Variants in STXBP5L observed in about 807,000 individuals in gnomAD.
STXBP5L encodes the protein syntaxin binding protein 5L.
A neutral mutation model predicts 144.5 loss-of-function variants in STXBP5L; 65 were observed. The observed-to-expected ratio is 0.45, with a 90% CI of 0.37 to 0.55. The LOEUF (loss-of-function observed/expected upper bound fraction) is 0.55. Among genes scored for constraint, STXBP5L ranks in the 20% least tolerant of loss-of-function variants. The pLI is 0.00. For missense variants in STXBP5L, 1,298 were observed against 1,405.5 expected (o/e 0.92, Z 1.22); for synonymous variants, 505 against 469.6 (o/e 1.08, Z -0.97).
intron 9 of STXBP5L, among the ~76,000 whole-genome samples, chr3:121,189,755 T>C (rs1340704160): frequency 6.6e-6 from 1 of 152,070 alleles, no homozygotes; most frequent in African/African-American, 2.4e-5. Context: ...TGTTTGTTTG[T>C]TATTTGATTC....
intron 8 of STXBP5L, among the ~76,000 whole-genome samples, chr3:121,156,473 A>G (rs2046114379): frequency 6.6e-6 from 1 of 152,076 alleles, no homozygotes; most frequent in Non-Finnish European, 1.5e-5. Context: ...TATAGTACTT[A>G]GTACTTTACC....
chr3:120,939,511 G>A (rs1710448596), intron 2 of STXBP5L, among the ~76,000 whole-genome samples: 1 of 152,070 alleles, frequency 6.6e-6, no homozygotes, highest in African/African-American at 2.4e-5. Flanking sequence ...AGGAAAAGAG[G>A]TAACCCACAG....
intron 3 of STXBP5L, among the ~76,000 whole-genome samples, chr3:120,974,863 T>A (rs374586875): frequency 6.6e-6 from 1 of 152,050 alleles, no homozygotes; most frequent in African/African-American, 2.4e-5. Flanking sequence ...AGATATGCGG[T>A]GTTATTTCTG....
At chr3:121,029,762 A>C (rs1946228110) in intron 3 of STXBP5L, among the ~76,000 whole-genome samples, 1 of 151,946 alleles carries the variant, frequency 6.6e-6, no homozygotes, top group Admixed American at 6.6e-5. Context: ...GAATGGGAGA[A>C]TTTTTTTTGA....
intron 5 of STXBP5L, among the ~76,000 whole-genome samples, chr3:121,106,791 T>C (rs1357463857): frequency 1.3e-5 from 2 of 152,122 alleles, no homozygotes; most frequent in Non-Finnish European, 2.9e-5. Context: ...ATAGTATTTC[T>C]GGTTGTAGGT....
intron 9 of STXBP5L, among the ~76,000 whole-genome samples, chr3:121,189,981 C>G (rs1209078871): frequency 6.6e-6 from 1 of 152,048 alleles, no homozygotes; most frequent in Non-Finnish European, 1.5e-5. Context: ...CTTTAAGCAT[C>G]TTGGCATTCT....
chr3:121,267,628 A>G (rs1286911017), intron 18 of STXBP5L, among the ~76,000 whole-genome samples: 1 of 152,240 alleles, frequency 6.6e-6, no homozygotes, highest in African/African-American at 2.4e-5. Flanking sequence ...CAGGCAACCT[A>G]CACACTGGGT....
chr3:120,989,744 C>T (rs1942648363), intron 3 of STXBP5L, among the ~76,000 whole-genome samples: 1 of 152,100 alleles, frequency 6.6e-6, no homozygotes, highest in Non-Finnish European at 1.5e-5. Flanking sequence ...TTATGTCCCA[C>T]TGGTGAATTG....
Position 121,255,157 on chromosome 3 carries a change from G to T in STXBP5L, c.1659+45G>T, listed in dbSNP as rs992224608. ...ACTTTCACTTTTACAGTTATTAAAA[G>T]AAAGCTATTATCATAGATTTGACTA... On this transcript the variant is annotated intron_variant, in intron 16 of 26. Transcript: ENST00000471454. The T allele has an allele frequency of 3.5e-6, 5 of 1,431,874 alleles. No homozygotes were observed. In the Middle Eastern group the frequency reaches 5.5e-4, roughly 159 times the overall value. The allele number at this position is 1,431,874 out of a possible 1,614,324, so 88.7% of individuals were successfully genotyped here.
intron 11 of STXBP5L, among the ~76,000 whole-genome samples, 182 bp downstream of exon 11, chr3:121,223,339 C>G (rs1035845088): frequency 1.3e-5 from 2 of 152,150 alleles, no homozygotes; most frequent in Admixed American, 1.3e-4. Flanking sequence ...AGATGTAGTA[C>G]AGCAATGCTG....
At chr3:120,996,309 T>A (rs946373763) in intron 3 of STXBP5L, among the ~76,000 whole-genome samples, 5 of 151,922 alleles carry the variant, frequency 3.3e-5, no homozygotes, top group Non-Finnish European at 5.9e-5. Flanking sequence ...ATTGGGAAAT[T>A]TTTAGTGATA....
chr3:121,273,109 A>G (rs2050777535), intron 18 of STXBP5L, among the ~76,000 whole-genome samples: 1 of 152,046 alleles, frequency 6.6e-6, no homozygotes, highest in Admixed American at 6.6e-5. Flanking sequence ...AGTATATTTT[A>G]TGCTTTTATA....
At chr3:121,053,766 C>G (rs1307881718) in intron 5 of STXBP5L, among the ~76,000 whole-genome samples, 2 of 152,080 alleles carry the variant, frequency 1.3e-5, no homozygotes, top group African/African-American at 4.8e-5. Flanking sequence ...AGAGCTTCTG[C>G]ACAGCAAAAG....
At chr3:121,014,971 C>G (rs1237294482) in intron 3 of STXBP5L, among the ~76,000 whole-genome samples, 1 of 151,516 alleles carries the variant, frequency 6.6e-6, no homozygotes, top group Non-Finnish European at 1.5e-5. Flanking sequence ...TATTCAAGAC[C>G]TCTATACTGA....
At chr3:121,087,788 T>C (rs967721963) in intron 5 of STXBP5L, among the ~76,000 whole-genome samples, 5 of 152,072 alleles carry the variant, frequency 3.3e-5, no homozygotes, top group African/African-American at 1.2e-4. Context: ...CTTTTTAGAA[T>C]TCCATTTTGA....
chr3:121,225,843 G>T (rs980202471), intron 11 of STXBP5L, among the ~76,000 whole-genome samples: 4 of 152,178 alleles, frequency 2.6e-5, no homozygotes, highest in African/African-American at 9.7e-5. Flanking sequence ...TCAATAATTT[G>T]CCCTGTAAAA....
intron 19 of STXBP5L, among the ~76,000 whole-genome samples, chr3:121,311,253 G>A (rs187845641): frequency 3.1e-4 from 47 of 152,274 alleles, no homozygotes; most frequent in Admixed American, 2.5e-3. Flanking sequence ...TGGAACTCCC[G>A]TAAGTTGCTA....
At chr3:121,076,287 C>T (rs2042015353) in intron 5 of STXBP5L, among the ~76,000 whole-genome samples, 1 of 152,150 alleles carries the variant, frequency 6.6e-6, no homozygotes, top group Non-Finnish European at 1.5e-5. Context: ...GAGTCTGAGC[C>T]TCTGTAGGCA....
intron 19 of STXBP5L, among the ~76,000 whole-genome samples, chr3:121,304,901 C>T (rs2043285776): frequency 6.6e-6 from 1 of 150,976 alleles, no homozygotes; most frequent in African/African-American, 2.4e-5. Flanking sequence ...TCAACAAAAC[C>T]CCAAAACAGT....
Sources: gnomAD v4.1 joint callset for allele counts (sites outside exome capture counted in the v4.1 genomes callset) on GRCh38, gnomAD v4.1.1 for gene constraint, MANE v1.5 for transcripts, NCBI Gene and HGNC (gene_info 2026-07-23, HGNC 2026-07-21) for gene names.